The following ZNF138 variants were observed in gnomAD, a reference collection of about 807,000 sequenced individuals.
ZNF138 encodes zinc finger protein 138 (clone pHZ-32).
A neutral mutation model predicts 33.0 loss-of-function variants in ZNF138; 33 were observed. The ratio of observed to expected loss-of-function variants is 1.00; its 90% CI spans 0.76 to 1.34. The LOEUF (loss-of-function observed/expected upper bound fraction) is 1.34, where lower values mean the gene tolerates loss of function less well. ZNF138 is among the 40% of genes most tolerant of loss of function. ZNF138 has a pLI of 0.00. For synonymous variants in ZNF138, 139 were observed against 120.4 expected, an observed-to-expected ratio of 1.15 and a Z score of -1.01; for missense variants, 360 against 370.8, an observed-to-expected ratio of 0.97 and a Z score of 0.24.
the ZNF138 span, among the ~76,000 whole-genome samples, chr7:64,854,903 T>A: frequency 6.6e-6 from 1 of 152,248 alleles, no homozygotes; most frequent in Non-Finnish European, 1.5e-5. Context: ...TTTTCTCTGA[T>A]TTAACATTAA....
chr7:64,798,613 G>A (rs55889908), intron 1 of ZNF138, among the ~76,000 whole-genome samples: 4 of 151,976 alleles, frequency 2.6e-5, no homozygotes, highest in Non-Finnish European at 4.4e-5. Context: ...CCAACATGGA[G>A]AAACCCTACA....
chr7:64,796,814 A>C (rs4718113), intron 1 of ZNF138, among the ~76,000 whole-genome samples: 13,976 of 152,250 alleles, frequency 0.092, 797 homozygotes, highest in East Asian at 0.26. Flanking sequence ...AGGCCAAGGC[A>C]GGGAGATCAC....
intron 1 of ZNF138, among the ~76,000 whole-genome samples, chr7:64,802,144 C>CAA (rs940318214): frequency 1.3e-5 from 2 of 152,196 alleles, no homozygotes; most frequent in Non-Finnish European, 2.9e-5. Context: ...CAGAACAACT[C>CAA]AAAGTGGCGG....
intron 1 of ZNF138, among the ~76,000 whole-genome samples, chr7:64,796,114 T>G (rs1398082003): frequency 6.6e-6 from 1 of 152,156 alleles, no homozygotes; most frequent in African/African-American, 2.4e-5. Flanking sequence ...CATATGCTGG[T>G]ATTGAGGGGA....
At chr7:64,803,092 AATTT>A (rs1007746520) in intron 1 of ZNF138, among the ~76,000 whole-genome samples, 6 of 152,118 alleles carry the variant, frequency 3.9e-5, no homozygotes, top group African/African-American at 1.4e-4. Context: ...ATATTTTGTT[AATTT>A]ATTTTTCTTT....
the ZNF138 span, among the ~76,000 whole-genome samples, chr7:64,854,105 A>T: frequency 1.9e-3 from 295 of 152,320 alleles, no homozygotes; most frequent in Non-Finnish European, 2.5e-3. Flanking sequence ...AATTGGTTAC[A>T]TTTTCATTGT....
intron 1 of ZNF138, among the ~76,000 whole-genome samples, chr7:64,807,958 C>T (rs186577533): frequency 1.1e-4 from 17 of 152,290 alleles, no homozygotes; most frequent in Middle Eastern, 3.4e-3. Flanking sequence ...TTTCATTTTA[C>T]GCAAGAGCTA....
chr7:64,802,721 A>T (rs978508589), intron 1 of ZNF138, among the ~76,000 whole-genome samples: 1 of 152,186 alleles, frequency 6.6e-6, no homozygotes, highest in Non-Finnish European at 1.5e-5. Flanking sequence ...AGATGGCTAC[A>T]AGAAGAAAAG....
chr7:64,803,258 G>GTTTTTTTTTTTTTTTTTTT (rs60101981), intron 1 of ZNF138, among the ~76,000 whole-genome samples: 3 of 113,062 alleles, frequency 2.7e-5, no homozygotes, highest in Non-Finnish European at 3.6e-5. Flanking sequence ...TTTGGCAAAG[G>GTTTTTTTTTTTTTTTTTTT]TTTTTTTTTT....
chr7:64,806,422 C>A (rs146929179), intron 1 of ZNF138, among the ~76,000 whole-genome samples: 9 of 152,302 alleles, frequency 5.9e-5, no homozygotes, highest in African/African-American at 1.7e-4. Context: ...GTAGCATGTG[C>A]ACTGAGTAGA....
chr7:64,812,162 GT>G (rs60036934), intron 1 of ZNF138, among the ~76,000 whole-genome samples: 7,324 of 141,648 alleles, frequency 0.052, 206 homozygotes, highest in East Asian at 0.15. Context: ...AGTTAAGTGG[GT>G]TTTTTTTTTT....
In ZNF138 at chr7:64,799,821, A is replaced by C. The variant is rs544946556; in HGVS notation, c.3+5250A>C. On this transcript the variant is annotated intron_variant, in intron 1 of 3. Coordinates refer to ENST00000307355, the MANE Select transcript of ZNF138 (RefSeq NM_001271639.2). ...ACCACGCCTGGCTAATTTTTTGTTT[A>C]GGAGAGACGGGGTTTCACCATGTTA... 2.6e-5 allele frequency among the ~76,000 whole-genome samples: 4 copies of C among 151,946 alleles called. No individual in the cohort carries two copies. In the East Asian group the frequency reaches 7.9e-4, roughly 30 times the overall value.
intron 1 of ZNF138, among the ~76,000 whole-genome samples, chr7:64,808,635 C>A (rs1444336753): frequency 6.7e-6 from 1 of 149,734 alleles, no homozygotes; most frequent in Non-Finnish European, 1.5e-5. Flanking sequence ...GGGTGTTTCT[C>A]ACAGAGGGGG....
At chr7:64,823,874 G>C (rs973235919) in intron 3 of ZNF138, among the ~76,000 whole-genome samples, 1 of 152,182 alleles carries the variant, frequency 6.6e-6, no homozygotes, top group Non-Finnish European at 1.5e-5. Flanking sequence ...GGAAGCAGAG[G>C]TTGCAGTGAG....
chr7:64,825,368 C>T (rs575064835), intron 3 of ZNF138, among the ~76,000 whole-genome samples: 34 of 150,848 alleles, frequency 2.3e-4, no homozygotes, highest in South Asian at 1.5e-3. Context: ...GAGACGGAGT[C>T]TCACCGTGTT....
Position 64,801,678 on chromosome 7 carries a change from A to G in ZNF138, c.3+7107A>G, listed in dbSNP as rs537739132. ...AGTTCTGTAGATTTCTAGTAGGGCT[A>G]TTTGGTTAAGTATTGAGTTTAGTTC... On this transcript the variant is annotated intron_variant, in intron 1 of 3. Coordinates refer to ENST00000307355, the MANE Select transcript of ZNF138 (RefSeq NM_001271639.2). 3.3e-5 allele frequency among the ~76,000 whole-genome samples: 5 copies of G among 152,044 alleles called. No individual in the cohort carries two copies. In the South Asian group the frequency reaches 1.0e-3, roughly 32 times the overall value.
the ZNF138 span, among the ~76,000 whole-genome samples, chr7:64,845,065 C>CT: frequency 0.022 from 3,426 of 152,288 alleles, 57 homozygotes; most frequent in Non-Finnish European, 0.031. Flanking sequence ...AATTTGTAGT[C>CT]TTTTATCTCT....
At chr7:64,812,942 C>T (rs1319242032) in intron 1 of ZNF138, among the ~76,000 whole-genome samples, 1 of 145,402 alleles carries the variant, frequency 6.9e-6, no homozygotes, top group Non-Finnish European at 1.5e-5. Flanking sequence ...TACCTGTAAA[C>T]CTTTACTTCT....
At chr7:64,849,543 T>G in the ZNF138 span, among the ~76,000 whole-genome samples, 1 of 150,584 alleles carries the variant, frequency 6.6e-6, no homozygotes, top group Non-Finnish European at 1.5e-5. Flanking sequence ...CCAGGGTGGG[T>G]AGGGAGGGAA....
Sources: gnomAD v4.1 joint callset for allele counts (sites outside exome capture counted in the v4.1 genomes callset) on GRCh38, gnomAD v4.1.1 for gene constraint, MANE v1.5 for transcripts, NCBI Gene and HGNC (gene_info 2026-07-23, HGNC 2026-07-21) for gene names.